Variants in PKHD1 observed in about 807,000 individuals in gnomAD.
PKHD1 encodes the protein PKHD1 ciliary IPT domain containing fibrocystin/polyductin, also known as fibrocystin.
PKHD1 carries 291 observed loss-of-function variants against 412.0 expected under a neutral mutation model. The ratio of observed to expected loss-of-function variants is 0.71; its 90% CI spans 0.64 to 0.78. The LOEUF (loss-of-function observed/expected upper bound fraction) is 0.78. Among genes scored for constraint, PKHD1 ranks in the 30% least tolerant of loss-of-function variants. The pLI is 0.00. For missense variants in PKHD1, 4,825 were observed against 4,950.7 expected (o/e 0.97, Z 0.76); for synonymous variants, 1,777 against 1,821.5 (o/e 0.98, Z 0.62).
At position 52,048,519 on chromosome 6, in the gene PKHD1, T is replaced by C; in HGVS notation, c.2380A>G (p.Ile794Val). 6.2e-7 allele frequency: 1 copy of C among 1,614,114 alleles called. No individual in the cohort carries two copies. Among genetic ancestry groups the C allele is most frequent in the Non-Finnish European group, 8.5e-7 (1 of 1,179,958 alleles). The change falls in exon 23 of 67, where the codon ATC (isoleucine) becomes GTC (valine). Residue 794 changes from isoleucine (I) to valine (V), a missense_variant. By Grantham distance (29) the Ile-to-Val change is conservative. Coordinates refer to ENST00000371117, the MANE Select transcript of PKHD1 (RefSeq NM_138694.4). ...TSPPLGGHFRIQLPNTVISDV... is the reference protein window; with the variant it reads ...TSPPLGGHFRVQLPNTVISDV... ...GAAATCACTGTATTAGGAAGCTGGA[T>C]GCGAAAGTGTCCTCCTAGAGGTGGA...
intron 29 of PKHD1, 34 bp from the exon 30 acceptor site, chr6:52,028,385 G>C: frequency 2.5e-6 from 4 of 1,581,354 alleles, no homozygotes; most frequent in Non-Finnish European, 3.5e-6. Flanking sequence ...CCTCTGACAT[G>C]TGGGGTTTGT....
intron 50 of PKHD1, among the ~76,000 whole-genome samples, chr6:51,842,290 G>C (rs894764714): frequency 1.3e-5 from 2 of 152,172 alleles, no homozygotes; most frequent in East Asian, 3.9e-4. Flanking sequence ...GAGGGCAACT[G>C]TGAATGGCAC....
intron 60 of PKHD1, among the ~76,000 whole-genome samples, chr6:51,724,121 A>C (rs1412131858): frequency 6.6e-6 from 1 of 152,120 alleles, no homozygotes; most frequent in Non-Finnish European, 1.5e-5. Context: ...AAACCTTTTC[A>C]CCTATTCTTC....
chr6:51,826,525 C>T (rs534786391), intron 52 of PKHD1, among the ~76,000 whole-genome samples: 1 of 152,278 alleles, frequency 6.6e-6, no homozygotes, highest in East Asian at 1.9e-4. Context: ...GATCTTTTGC[C>T]ATTTGACCAG....
chr6:51,788,888 T>C (rs535151168), intron 53 of PKHD1, among the ~76,000 whole-genome samples: 1 of 152,338 alleles, frequency 6.6e-6, no homozygotes, highest in Admixed American at 6.5e-5. Context: ...AAGAAGGTTC[T>C]ACTCTTATCC....
At chr6:51,889,993 A>AT (rs200582522) in intron 43 of PKHD1, among the ~76,000 whole-genome samples, 24 of 149,844 alleles carry the variant, frequency 1.6e-4, no homozygotes, top group East Asian at 7.8e-4. Flanking sequence ...TTTATGGTGG[A>AT]TTTTTTTTTT....
At chr6:51,736,226 G>C (rs1211635705) in intron 60 of PKHD1, among the ~76,000 whole-genome samples, 1 of 152,184 alleles carries the variant, frequency 6.6e-6, no homozygotes, top group Non-Finnish European at 1.5e-5. Context: ...CTAGATTGAG[G>C]AAAGGAAAAG....
At chr6:51,821,726 G>T (rs1288016333) in intron 52 of PKHD1, among the ~76,000 whole-genome samples, 1 of 152,104 alleles carries the variant, frequency 6.6e-6, no homozygotes, top group African/African-American at 2.4e-5. Context: ...TTGTTTGTTT[G>T]TTTTTTGAGA....
At chr6:51,724,736 G>T (rs1308910223) in intron 60 of PKHD1, among the ~76,000 whole-genome samples, 1 of 152,090 alleles carries the variant, frequency 6.6e-6, no homozygotes, top group Non-Finnish European at 1.5e-5. Context: ...ATTAAGTTAA[G>T]GATCTTGAGT....
intron 50 of PKHD1, among the ~76,000 whole-genome samples, chr6:51,844,374 T>C (rs1250639948): frequency 6.6e-6 from 1 of 152,246 alleles, no homozygotes; most frequent in African/African-American, 2.4e-5. Flanking sequence ...AAGGCAAAAC[T>C]TGCCTTGGTA....
In PKHD1 at chr6:51,785,973, A is replaced by G. The variant is rs530810626; in HGVS notation, c.8440+5263T>C. ...ATTTATGAGTCTGGGTACTTAACAA[A>G]CCAATGTATAAAGTTTACTGTATAC... On this transcript the variant is annotated intron_variant, in intron 53 of 66. Transcript: ENST00000371117. Among the ~76,000 whole-genome samples, 32 of 152,306 alleles carry G rather than the reference A, an allele frequency of 2.1e-4. No homozygotes were observed. In the South Asian group the frequency reaches 6.2e-3, roughly 30 times the overall value.
intron 63 of PKHD1, among the ~76,000 whole-genome samples, chr6:51,645,526 G>A (rs915213217): frequency 7.2e-5 from 11 of 152,082 alleles, no homozygotes; most frequent in Admixed American, 2.6e-4. Flanking sequence ...CCAAGTAGCT[G>A]GGATTACAGG....
chr6:52,064,859 G>T, intron 13 of PKHD1, 96 bp downstream of exon 13: 1 of 419,880 alleles, frequency 2.4e-6, no homozygotes, highest in Non-Finnish European at 4.0e-6. Flanking sequence ...CAGTCAAATA[G>T]ATGAGAAAGA....
chr6:51,801,868 T>A (rs995083773), intron 52 of PKHD1, among the ~76,000 whole-genome samples: 3 of 152,200 alleles, frequency 2.0e-5, no homozygotes, highest in Admixed American at 2.0e-4. Context: ...GATATTTTAA[T>A]TGATCAATAA....
At chr6:51,853,614 T>A (rs1015934655) in intron 49 of PKHD1, among the ~76,000 whole-genome samples, 1 of 152,232 alleles carries the variant, frequency 6.6e-6, no homozygotes, top group Non-Finnish European at 1.5e-5. Flanking sequence ...GGAGACCTTG[T>A]TCATTCCTTT....
At chr6:52,041,849 G>C (rs1804935084) in intron 27 of PKHD1, among the ~76,000 whole-genome samples, 1 of 152,174 alleles carries the variant, frequency 6.6e-6, no homozygotes, top group South Asian at 2.1e-4. Context: ...AACTGGGAAA[G>C]TTGGCCAACC....
intron 61 of PKHD1, among the ~76,000 whole-genome samples, chr6:51,652,069 C>T (rs1562026231): frequency 6.6e-6 from 1 of 152,132 alleles, no homozygotes; most frequent in Admixed American, 6.6e-5. Flanking sequence ...GTGACTGTAG[C>T]CTGCAGGCAG....
intron 36 of PKHD1, among the ~76,000 whole-genome samples, chr6:51,940,004 G>A (rs981567971): frequency 1.3e-5 from 2 of 151,526 alleles, no homozygotes; most frequent in African/African-American, 4.8e-5. Context: ...TAAAGGCATA[G>A]TCAAGGTTAA....
At chr6:51,939,678 C>T (rs1028482527) in intron 36 of PKHD1, among the ~76,000 whole-genome samples, 1 of 151,448 alleles carries the variant, frequency 6.6e-6, no homozygotes, top group Non-Finnish European at 1.5e-5. Flanking sequence ...TTGTTTCCTC[C>T]CTAGTCTCTG....
Sources: gnomAD v4.1 joint callset for allele counts (sites outside exome capture counted in the v4.1 genomes callset) on GRCh38, gnomAD v4.1.1 for gene constraint, MANE v1.5 for transcripts, NCBI Gene and HGNC (gene_info 2026-07-23, HGNC 2026-07-21) for gene names.